The following SLC39A12 variants were observed in gnomAD, a reference collection of about 807,000 sequenced individuals.
SLC39A12 encodes zinc transporter ZIP12.
A neutral mutation model predicts 71.1 loss-of-function variants in SLC39A12; 63 were observed. That is an observed-to-expected ratio of 0.89 (90% CI 0.72 to 1.09). The LOEUF is 1.09. Ranked by LOEUF, SLC39A12 falls within the 50% of genes least tolerant of loss-of-function variation. SLC39A12 has a pLI of 0.00. For missense variants in SLC39A12, 892 were observed against 812.6 expected (o/e 1.10, Z -1.19); for synonymous variants, 351 against 301.3 (o/e 1.16, Z -1.71).
chr10:18,042,382 G>C (rs890391276), intron 12 of SLC39A12, among the ~76,000 whole-genome samples: 2 of 150,094 alleles, frequency 1.3e-5, no homozygotes, highest in Non-Finnish European at 3.0e-5. Context: ...AGGATTGCTG[G>C]AGCCCAGGAG....
At chr10:18,038,525 C>A (rs138323996) in intron 12 of SLC39A12, among the ~76,000 whole-genome samples, 9,088 of 152,160 alleles carry the variant, frequency 0.06, 372 homozygotes, top group Middle Eastern at 0.13. Flanking sequence ...TGGTGTGTGC[C>A]TGTAATCCCA....
At chr10:17,989,915 A>G (rs1384930078) in intron 7 of SLC39A12, among the ~76,000 whole-genome samples, 1 of 151,536 alleles carries the variant, frequency 6.6e-6, no homozygotes, top group East Asian at 1.9e-4. Context: ...TGTCTCACGA[A>G]AAAAAAAAGA....
rs1425209611 is a variant in SLC39A12, at chr10:18,025,696, G to A, written c.1948-17009G>A. ...GTGAATAGTGTTGCAGTAAACATACGTGTGCATGTGTCTTTATAGCAGAAT... is the reference window on the plus strand; with the variant it reads ...GTGAATAGTGTTGCAGTAAACATACATGTGCATGTGTCTTTATAGCAGAAT... On this transcript the variant is annotated intron_variant, in intron 12 of 12. Transcript: ENST00000377369. 2.6e-5 allele frequency among the ~76,000 whole-genome samples: 4 copies of A among 152,074 alleles called. No individual in the cohort carries two copies. The South Asian group carries it at 6.2e-4, about 24-fold the overall frequency.
At position 18,042,761 on chromosome 10, in the gene SLC39A12, A is replaced by T; in HGVS notation, c.2004A>T (p.Gln668His). 1.2e-6 allele frequency: 2 copies of T among 1,613,564 alleles called. No individual in the cohort carries two copies. The highest frequency in any genetic ancestry group is 1.7e-6 in the Non-Finnish European group (2 of 1,179,816). ...TQRPWMMFLL[Q>H]NFGLILGWLS... ...GACCCTGGATGATGTTTCTCCTGCA[A>T]AACTTTGGATTGATCCTAGGTTGGC... The change falls in exon 13 of 13, where the codon CAA becomes CAT. Residue 668 changes from glutamine to histidine, a missense_variant. Physicochemically the swap from Gln to His is conservative, Grantham distance 24. Transcript: ENST00000377369.
chr10:18,023,185 C>A (rs1836582004), intron 12 of SLC39A12, among the ~76,000 whole-genome samples: 1 of 152,132 alleles, frequency 6.6e-6, no homozygotes, highest in Non-Finnish European at 1.5e-5. Flanking sequence ...TTGACAGTGG[C>A]AATGACAGAG....
chr10:17,973,945 C>T (rs536716215), intron 4 of SLC39A12, among the ~76,000 whole-genome samples: 2,055 of 151,042 alleles, frequency 0.014, 41 homozygotes, highest in African/African-American at 0.043. Context: ...TCAAATAGAC[C>T]CTGTCTTGCA....
At chr10:17,973,595 C>G (rs1206047110) in intron 4 of SLC39A12, among the ~76,000 whole-genome samples, 2 of 152,142 alleles carry the variant, frequency 1.3e-5, no homozygotes, top group African/African-American at 4.8e-5. Context: ...ACTGAAAAGT[C>G]TGCTGTCAGA....
In SLC39A12 at chr10:17,981,441, C is replaced by T; in HGVS notation, c.1054C>T (p.Pro352Ser). The T allele has an allele frequency of 6.2e-7, 1 of 1,613,782 alleles. No individual in the cohort carries two copies. Among genetic ancestry groups the T allele is most frequent in the Non-Finnish European group, 8.5e-7 (1 of 1,179,814 alleles). Residue 352 changes from proline to serine, a missense_variant, in exon 6 of 13, where the codon CCC (proline) becomes TCC (serine). Pro to Ser is a moderately conservative substitution (Grantham distance 74). Coordinates refer to ENST00000377369, the MANE Select transcript of SLC39A12 (RefSeq NM_001145195.2). ...GCTCCTCAGCTGCTCCTGCCACTTA[C>T]CCAAGGACCAACAAGCAAAGCTGCC... ...QQLLSCSCHL[P>S]KDQQAKLPPT... is the part of the protein sequence containing the mutation.
At chr10:18,008,753 C>T (rs908978677) in intron 12 of SLC39A12, 2 of 152,160 alleles carry the variant, frequency 1.3e-5, no homozygotes, top group African/African-American at 4.8e-5. Context: ...CTATCAATTG[C>T]TTTATAATTT....
chr10:18,038,439 T>A (rs1467294271), intron 12 of SLC39A12, among the ~76,000 whole-genome samples: 1 of 152,084 alleles, frequency 6.6e-6, no homozygotes, highest in African/African-American at 2.4e-5. Context: ...TTACCTGAGG[T>A]CAGGAGTTCA....
chr10:17,987,439 C>T (rs1835427106), intron 6 of SLC39A12, 40 bp from the exon 7 acceptor site: 1 of 1,602,144 alleles, frequency 6.2e-7, no homozygotes, highest in African/African-American at 1.3e-5. Flanking sequence ...GAATGGAGGG[C>T]ACTGGGCACT....
intron 12 of SLC39A12, among the ~76,000 whole-genome samples, chr10:18,017,900 A>G (rs1433942210): frequency 6.6e-6 from 1 of 152,166 alleles, no homozygotes; most frequent in Non-Finnish European, 1.5e-5. Flanking sequence ...CTTTAATATC[A>G]GTTTGTTGAT....
intron 12 of SLC39A12, among the ~76,000 whole-genome samples, chr10:18,012,578 T>G (rs1427993651): frequency 6.6e-6 from 1 of 151,992 alleles, no homozygotes; most frequent in Non-Finnish European, 1.5e-5. Context: ...TGCAGACTAT[T>G]GAAAGGGTGG....
intron 7 of SLC39A12, among the ~76,000 whole-genome samples, chr10:17,990,627 A>T (rs1240661772): frequency 2.0e-5 from 3 of 152,150 alleles, no homozygotes; most frequent in Non-Finnish European, 4.4e-5. Flanking sequence ...ACCTGACAAT[A>T]TTGTCAGTCA....
chr10:17,964,501 G>T (rs746016717), intron 3 of SLC39A12, among the ~76,000 whole-genome samples: 15 of 152,152 alleles, frequency 9.9e-5, no homozygotes, highest in Non-Finnish European at 2.1e-4. Context: ...TATGAAATGG[G>T]CTTAGTACAG....
rs117783684 is a variant in SLC39A12 at position 17,984,991 on chromosome 10, C to T, written c.1097-2488C>T. Among the ~76,000 whole-genome samples, 91 of 152,248 alleles carry T rather than the reference C, an allele frequency of 6.0e-4. 1 individual carries two copies. The East Asian group carries it at 0.011, about 18-fold the overall frequency. The stretch of plus-strand genomic sequence containing the variant: ...AAACCCCTGGGTAATTTAGAACTTA[C>T]GTTTCAGTAAAGTCCTCTTAATATC... On this transcript the variant is annotated intron_variant, in intron 6 of 12. Transcript: ENST00000377369.
Position 18,000,751 on chromosome 10 carries a change from C to T in SLC39A12, c.1685C>T (p.Ala562Val). The T allele has an allele frequency of 6.2e-7, 1 of 1,614,156 alleles. No individual in the cohort carries two copies. Among genetic ancestry groups the T allele is most frequent in the Non-Finnish European group, 8.5e-7 (1 of 1,179,996 alleles). Residue 562 changes from alanine (A) to valine (V), a missense_variant, in exon 11 of 13, where the codon GCC becomes GTC. Transcript: ENST00000377369. Reference sequence around the variant, plus strand: ...GCAGATGGCCTAGCCATAGGAGCAGCCTTCTCATCATCATCCGAGTCAGGA... The same window carrying T: ...GCAGATGGCCTAGCCATAGGAGCAGTCTTCTCATCATCATCCGAGTCAGGA... Reference protein sequence around the residue: ...NFADGLAIGAAFSSSSESGVT... With the variant: ...NFADGLAIGAVFSSSSESGVT...
At chr10:18,032,661 C>T (rs1476440033) in intron 12 of SLC39A12, among the ~76,000 whole-genome samples, 2 of 151,058 alleles carry the variant, frequency 1.3e-5, no homozygotes, top group East Asian at 1.9e-4. Flanking sequence ...TGCCTAATTG[C>T]CCTGGCCAGA....
rs542725338 is a variant in SLC39A12 at position 17,981,826 on chromosome 10, GAATT to G, written c.1096+349_1096+352del. 1.0e-3 allele frequency among the ~76,000 whole-genome samples: 154 copies of G among 152,238 alleles called. 2 individuals carry two copies. Among genetic ancestry groups the G allele is most frequent in the African/African-American group, 3.3e-3 (137 of 41,554 alleles). ...TTTTATATTTGTATATGGTTTATATGAATTAATTATGTCTTCTATAGTTGACTCA... is the reference window on the plus strand; with the variant it reads ...TTTTATATTTGTATATGGTTTATATGAATTATGTCTTCTATAGTTGACTCA... On this transcript the variant is annotated intron_variant, in intron 6 of 12. Coordinates refer to ENST00000377369, the MANE Select transcript of SLC39A12 (RefSeq NM_001145195.2).
Sources: allele counts gnomAD v4.1 joint callset (sites outside exome capture counted in the v4.1 genomes callset), GRCh38; gene constraint gnomAD v4.1.1; transcripts MANE v1.5; gene names NCBI Gene and HGNC (gene_info 2026-07-23, HGNC 2026-07-21).